The following KCNT2 variants were observed in gnomAD, a reference collection of about 807,000 sequenced individuals.
KCNT2 encodes potassium sodium-activated channel subfamily T member 2, also known as potassium channel subfamily T member 2.
Under a neutral mutation model 153.8 loss-of-function variants are expected in KCNT2, and 67 were observed. The observed-to-expected ratio is 0.44, with a 90% CI of 0.36 to 0.53. The LOEUF is 0.53. KCNT2 is among the 20% of genes least tolerant of loss of function. The pLI, the probability that KCNT2 is intolerant of heterozygous loss-of-function variation, is 0.00. For missense variants in KCNT2, 975 were observed against 1,354.8 expected, an observed-to-expected ratio of 0.72 and a Z score of 4.40; for synonymous variants, 500 against 458.8, an observed-to-expected ratio of 1.09 and a Z score of -1.15.
chr1:196,298,096 C>T (rs937264807), intron 22 of KCNT2, among the ~76,000 whole-genome samples: 2 of 152,150 alleles, frequency 1.3e-5, no homozygotes, highest in Non-Finnish European at 2.9e-5. Context: ...AAATTCTTAT[C>T]GTTTTGTTCT....
intron 13 of KCNT2, among the ~76,000 whole-genome samples, chr1:196,381,158 T>G (rs1004095460): frequency 2.0e-5 from 3 of 152,194 alleles, no homozygotes; most frequent in African/African-American, 7.2e-5. Flanking sequence ...GCTTCAATAC[T>G]TATTTTAGTA....
intron 8 of KCNT2, among the ~76,000 whole-genome samples, chr1:196,432,461 C>A (rs1674250371): frequency 6.6e-6 from 1 of 152,114 alleles, no homozygotes; most frequent in Admixed American, 6.5e-5. Flanking sequence ...CCAAACAAAG[C>A]TTAGAAGATG....
At chr1:196,292,570 G>T (rs1660282596) in intron 22 of KCNT2, among the ~76,000 whole-genome samples, 1 of 152,180 alleles carries the variant, frequency 6.6e-6, no homozygotes, top group Non-Finnish European at 1.5e-5. Context: ...ACTTTGGGAG[G>T]CCGAGGCGGG....
At position 196,361,794 on chromosome 1, in the gene KCNT2, C is replaced by T. The variant is rs187889248; in HGVS notation, c.1403+11346G>A. Among the ~76,000 whole-genome samples the T allele has an allele frequency of 2.6e-5, 4 of 152,150 alleles. No individual in the cohort carries two copies. In the East Asian group the frequency reaches 7.7e-4, roughly 29 times the overall value. On this transcript the variant is annotated intron_variant, in intron 14 of 27. Transcript: ENST00000294725. ...TTTAATCTATTAATGAAAACAGAGG[C>T]TCAGATTTAAGAAAGTTATATCAAA...
At chr1:196,404,223 C>T (rs1671650889) in intron 12 of KCNT2, 3 of 621,300 alleles carry the variant, frequency 4.8e-6, no homozygotes, top group Non-Finnish European at 6.0e-6. Context: ...GTGCCACAGC[C>T]TAATCTAAAA....
At chr1:196,540,025 T>G (rs1656125606) in intron 1 of KCNT2, among the ~76,000 whole-genome samples, 1 of 152,092 alleles carries the variant, frequency 6.6e-6, no homozygotes, top group Non-Finnish European at 1.5e-5. Flanking sequence ...TTTGAAGAAT[T>G]ATAAAGTGAA....
intron 10 of KCNT2, among the ~76,000 whole-genome samples, chr1:196,427,462 T>G (rs979088514): frequency 6.6e-6 from 1 of 152,078 alleles, no homozygotes; most frequent in Non-Finnish European, 1.5e-5. Context: ...ACAGACTAAG[T>G]GCAGTAAGCA....
At position 196,387,929 on chromosome 1, in the gene KCNT2, CT is replaced by C. The variant is rs1171819729; in HGVS notation, c.1294+10633del. Among the ~76,000 whole-genome samples, 597 of 130,554 alleles carry C rather than the reference CT, an allele frequency of 4.6e-3. 2 individuals carry two copies. The highest frequency in any genetic ancestry group is 6.1e-3 in the Admixed American group (80 of 13,164). The allele number at this position is 130,554 out of a possible 152,430, so 85.6% of individuals were successfully genotyped here. A position where few individuals can be genotyped will look rare whatever the true frequency, so the allele number is the denominator to read the frequency against. On this transcript the variant is annotated intron_variant, in intron 13 of 27. Coordinates refer to ENST00000294725, the MANE Select transcript of KCNT2 (RefSeq NM_198503.5). ...TTAATTTTGATGAAAGCCAATTTTT[CT>C]TTTTTTTTTTTTTCTCTTATGGTTT... is the stretch of plus-strand genomic sequence containing the variant.
chr1:196,438,643 A>G (rs929334287), intron 8 of KCNT2, among the ~76,000 whole-genome samples: 3 of 151,926 alleles, frequency 2.0e-5, no homozygotes, highest in Non-Finnish European at 4.4e-5. Context: ...GGGAAAAAAG[A>G]TTAAGCACTA....
chr1:196,291,699 T>C (rs2147919863), intron 22 of KCNT2, among the ~76,000 whole-genome samples: 1 of 152,282 alleles, frequency 6.6e-6, no homozygotes, highest in East Asian at 1.9e-4. Context: ...AGGAGTTTCA[T>C]TTGGGCTGCC....
chr1:196,230,223 C>T (rs180890473), intron 27 of KCNT2, among the ~76,000 whole-genome samples: 4 of 152,026 alleles, frequency 2.6e-5, no homozygotes, highest in African/African-American at 9.6e-5. Context: ...TCAGTTGAAG[C>T]CAATACTCAT....
At chr1:196,314,010 A>C (rs563489078) in intron 21 of KCNT2, among the ~76,000 whole-genome samples, 5 of 151,648 alleles carry the variant, frequency 3.3e-5, no homozygotes, top group Non-Finnish European at 5.9e-5. Flanking sequence ...TCAGAGTAAC[A>C]TAGCCTTTGC....
At chr1:196,285,816 GC>G in intron 22 of KCNT2, 58 bp from the exon 23 acceptor site, 1 of 961,670 alleles carries the variant, frequency 1.0e-6, no homozygotes, top group Non-Finnish European at 1.7e-6. Flanking sequence ...ATGCATTTCT[GC>G]CTCAGTAAAT....
intron 1 of KCNT2, among the ~76,000 whole-genome samples, chr1:196,592,581 T>C (rs891267611): frequency 2.0e-5 from 3 of 147,414 alleles, no homozygotes; most frequent in Non-Finnish European, 3.0e-5. Flanking sequence ...TAGTTTTATA[T>C]AGTTAGAAAG....
intron 25 of KCNT2, among the ~76,000 whole-genome samples, chr1:196,259,826 T>C (rs1340895950): frequency 6.6e-6 from 1 of 151,934 alleles, no homozygotes; most frequent in Non-Finnish European, 1.5e-5. Context: ...ATTAAATGAT[T>C]TTAGAAACCA....
chr1:196,479,870 T>C (rs1173719880), intron 4 of KCNT2, among the ~76,000 whole-genome samples: 2 of 152,234 alleles, frequency 1.3e-5, no homozygotes, highest in Admixed American at 6.5e-5. Flanking sequence ...GTATATTCAA[T>C]CTTATCACCC....
chr1:196,323,766 C>T (rs188938892), intron 19 of KCNT2, among the ~76,000 whole-genome samples: 6 of 151,862 alleles, frequency 4.0e-5, no homozygotes, highest in South Asian at 2.1e-4. Context: ...ATACTGAATA[C>T]TATTTTCAGC....
At chr1:196,578,307 C>A (rs1426318916) in intron 1 of KCNT2, among the ~76,000 whole-genome samples, 2 of 152,098 alleles carry the variant, frequency 1.3e-5, no homozygotes, top group South Asian at 2.1e-4. Flanking sequence ...CACAGAAAGA[C>A]AACAAGAAGC....
intron 8 of KCNT2, among the ~76,000 whole-genome samples, chr1:196,435,139 G>GTATATATATA (rs1166021273): frequency 1.2e-3 from 54 of 45,694 alleles, no homozygotes; most frequent in East Asian, 2.3e-3. Context: ...GTGTGTGTAT[G>GTATATATATA]TATATATATA....
Sources: gnomAD v4.1 joint callset for allele counts (sites outside exome capture counted in the v4.1 genomes callset) on GRCh38, gnomAD v4.1.1 for gene constraint, MANE v1.5 for transcripts, NCBI Gene and HGNC (gene_info 2026-07-23, HGNC 2026-07-21) for gene names.